Variants in TRAPPC9 observed in about 807,000 individuals in gnomAD.
The protein encoded by TRAPPC9 is trafficking protein particle complex subunit 9.
Under a neutral mutation model 124.0 loss-of-function variants are expected in TRAPPC9, and 83 were observed. That is an observed-to-expected ratio of 0.67 (90% confidence interval 0.56 to 0.80). The LOEUF (loss-of-function observed/expected upper bound fraction) is 0.80. Among genes scored for constraint, TRAPPC9 ranks in the 30% least tolerant of loss-of-function variants. TRAPPC9 has a pLI of 0.00. For missense variants in TRAPPC9, 1,302 were observed against 1,508.3 expected (o/e 0.86, Z 2.27); for synonymous variants, 638 against 617.5 (o/e 1.03, Z -0.49).
intron 18 of TRAPPC9, among the ~76,000 whole-genome samples, chr8:140,007,136 A>G (rs1427938037): frequency 6.6e-6 from 1 of 152,222 alleles, no homozygotes; most frequent in Non-Finnish European, 1.5e-5. Context: ...ACCCACACGC[A>G]GTGCCATAGT....
intron 17 of TRAPPC9, among the ~76,000 whole-genome samples, chr8:140,174,829 G>A (rs967450810): frequency 2.6e-5 from 4 of 152,108 alleles, no homozygotes; most frequent in Non-Finnish European, 5.9e-5. Flanking sequence ...CGGGCATTTC[G>A]GTTGTTTCCA....
At chr8:139,912,414 T>C (rs1481191199) in intron 19 of TRAPPC9, among the ~76,000 whole-genome samples, 2 of 144,074 alleles carry the variant, frequency 1.4e-5, no homozygotes, top group African/African-American at 5.4e-5. Flanking sequence ...CTCAGCTCTT[T>C]TCCAAGTTTA....
chr8:139,829,141 A>G (rs1586934981), intron 21 of TRAPPC9, among the ~76,000 whole-genome samples: 1 of 152,246 alleles, frequency 6.6e-6, no homozygotes, highest in East Asian at 1.9e-4. Flanking sequence ...TTCTGACTGT[A>G]ACATACATAT....
intron 5 of TRAPPC9, among the ~76,000 whole-genome samples, chr8:140,412,555 T>C (rs1279801007): frequency 1.3e-5 from 2 of 152,140 alleles, no homozygotes; most frequent in African/African-American, 4.8e-5. Flanking sequence ...CCTTAGGAAA[T>C]GCACACCGAG....
intron 17 of TRAPPC9, among the ~76,000 whole-genome samples, chr8:140,126,894 G>A (rs1488935446): frequency 6.6e-6 from 1 of 152,146 alleles, no homozygotes; most frequent in Non-Finnish European, 1.5e-5. Context: ...TTGTGCGTTC[G>A]CAGCTTCATG....
intron 17 of TRAPPC9, among the ~76,000 whole-genome samples, chr8:140,055,021 G>C (rs900974050): frequency 6.6e-6 from 1 of 152,150 alleles, no homozygotes; most frequent in Non-Finnish European, 1.5e-5. Flanking sequence ...CTGAAGAGGA[G>C]GGAACACTTC....
chr8:140,046,662 C>A (rs1376707716), intron 17 of TRAPPC9, among the ~76,000 whole-genome samples: 4 of 152,350 alleles, frequency 2.6e-5, no homozygotes, highest in Non-Finnish European at 1.5e-5. Flanking sequence ...AAAGTGCAGT[C>A]ATCTTGCACT....
intron 17 of TRAPPC9, among the ~76,000 whole-genome samples, chr8:140,027,817 G>A (rs906829107): frequency 2.6e-5 from 4 of 152,070 alleles, no homozygotes; most frequent in African/African-American, 4.8e-5. Flanking sequence ...AGGAGAAAGT[G>A]AGTGAGTGTG....
intron 17 of TRAPPC9, among the ~76,000 whole-genome samples, chr8:140,183,394 A>C (rs1392230576): frequency 6.6e-6 from 1 of 152,258 alleles, no homozygotes; most frequent in African/African-American, 2.4e-5. Context: ...GATACAATCA[A>C]AGGAATCCAC....
At chr8:140,082,573 A>G (rs909372457) in intron 17 of TRAPPC9, among the ~76,000 whole-genome samples, 5 of 152,242 alleles carry the variant, frequency 3.3e-5, no homozygotes, top group Non-Finnish European at 5.9e-5. Flanking sequence ...AAAGGAGTAA[A>G]GGAATATAAA....
chr8:140,040,805 C>CT (rs1311681775), intron 17 of TRAPPC9: 2 of 152,226 alleles, frequency 1.3e-5, no homozygotes, highest in Non-Finnish European at 2.9e-5. Context: ...TAAAGGACTC[C>CT]TTGGAAGGTG....
At chr8:140,115,337 G>C (rs1336597829) in intron 17 of TRAPPC9, among the ~76,000 whole-genome samples, 1 of 151,420 alleles carries the variant, frequency 6.6e-6, no homozygotes, top group East Asian at 1.9e-4. Flanking sequence ...GCGTGATCTA[G>C]GCTCACTGCA....
At chr8:140,228,831 T>C (rs1354116758) in intron 16 of TRAPPC9, among the ~76,000 whole-genome samples, 1 of 151,952 alleles carries the variant, frequency 6.6e-6, no homozygotes, top group Non-Finnish European at 1.5e-5. Context: ...ACTAAAAGGG[T>C]AGTACAACTG....
chr8:140,059,865 C>T (rs1220534967), intron 17 of TRAPPC9, among the ~76,000 whole-genome samples: 2 of 152,162 alleles, frequency 1.3e-5, no homozygotes, highest in Non-Finnish European at 2.9e-5. Context: ...TCCTTCCACT[C>T]CTTTCCTCAT....
At chr8:140,408,286 G>T (rs559106657) in intron 5 of TRAPPC9, among the ~76,000 whole-genome samples, 1 of 152,230 alleles carries the variant, frequency 6.6e-6, no homozygotes, top group East Asian at 1.9e-4. Flanking sequence ...GTCACGGGGA[G>T]GGGGGAAGGT....
intron 13 of TRAPPC9, among the ~76,000 whole-genome samples, chr8:140,285,957 A>C (rs1393919344): frequency 6.6e-6 from 1 of 152,174 alleles, no homozygotes; most frequent in Non-Finnish European, 1.5e-5. Context: ...CACACTGAAG[A>C]CCTACTGTGT....
chr8:140,441,077 C>G (rs56366435), intron 2 of TRAPPC9, among the ~76,000 whole-genome samples: 6 of 149,520 alleles, frequency 4.0e-5, no homozygotes, highest in Non-Finnish European at 7.4e-5. Flanking sequence ...GTCCTGGGCT[C>G]AAGAGATCCT....
chr8:140,418,812 A>G (rs914683852), intron 5 of TRAPPC9, among the ~76,000 whole-genome samples: 1 of 152,256 alleles, frequency 6.6e-6, no homozygotes, highest in Non-Finnish European at 1.5e-5. Flanking sequence ...TCAATAAAAT[A>G]TTAGCACACT....
At chr8:140,011,677 T>A in intron 18 of TRAPPC9, among the ~76,000 whole-genome samples, 1 of 127,560 alleles carries the variant, frequency 7.8e-6, no homozygotes, top group South Asian at 2.7e-4. Flanking sequence ...CTAATTTTTT[T>A]TTTTTTTTTT....
Sources: allele counts gnomAD v4.1 joint callset (sites outside exome capture counted in the v4.1 genomes callset), GRCh38; gene constraint gnomAD v4.1.1; transcripts MANE v1.5; gene names NCBI Gene and HGNC (gene_info 2026-07-23, HGNC 2026-07-21).